SORCS2: variants seen among roughly 807,000 people sequenced by gnomAD.
SORCS2 encodes the protein sortilin related VPS10 domain containing receptor 2, also known as VPS10 domain-containing receptor SorCS2.
SORCS2 carries 100 observed loss-of-function variants against 141.6 expected under a neutral mutation model. The observed-to-expected ratio is 0.71, with a 90% CI of 0.60 to 0.83. SORCS2 has a LOEUF of 0.83. Among genes scored for constraint, SORCS2 ranks in the 40% least tolerant of loss-of-function variants. The pLI is 0.00. For missense variants in SORCS2, 1,646 were observed against 1,560.2 expected, an observed-to-expected ratio of 1.05 and a Z score of -0.93; for synonymous variants, 789 against 676.9, an observed-to-expected ratio of 1.17 and a Z score of -2.57.
At chr4:7,649,204 C>A (rs1205145713) in intron 4 of SORCS2, among the ~76,000 whole-genome samples, 1 of 152,156 alleles carries the variant, frequency 6.6e-6, no homozygotes, top group East Asian at 1.9e-4. Context: ...GAAGGGCATT[C>A]CAGGCAGGGG....
At chr4:7,316,993 G>A (rs1326801984) in intron 1 of SORCS2, among the ~76,000 whole-genome samples, 1 of 152,114 alleles carries the variant, frequency 6.6e-6, no homozygotes, top group East Asian at 1.9e-4. Flanking sequence ...GAATGCAAGC[G>A]CCCGGGGTCA....
chr4:7,448,166 C>G (rs928539213), intron 2 of SORCS2, among the ~76,000 whole-genome samples: 1 of 152,164 alleles, frequency 6.6e-6, no homozygotes, highest in Non-Finnish European at 1.5e-5. Context: ...GTGTTTCGTG[C>G]CCCCCACTGT....
At chr4:7,676,803 GTCTCTCTC>G (rs1182959755) in intron 9 of SORCS2, among the ~76,000 whole-genome samples, 1 of 37,230 alleles carries the variant, frequency 2.7e-5, no homozygotes. Flanking sequence ...CTGCCTTTCT[GTCTCTCTC>G]TCTCTCTCTC....
In SORCS2 at chr4:7,726,886, G is replaced by C. The variant is rs1727257161; in HGVS notation, c.2852G>C (p.Arg951Thr). Reference protein sequence around the residue: ...ACGNSVLQDSRVLRVLDQFQV... With the variant: ...ACGNSVLQDSTVLRVLDQFQV... ...GGGAACTCGGTGCTGCAGGACTCCA[G>C]GGTCCTCCGTGTGCTGGGTAAGTAC... is the stretch of plus-strand genomic sequence containing the variant. The change falls in exon 21 of 27, where the codon AGG becomes ACG. Residue 951 changes from arginine (R) to threonine (T), a missense_variant. Coordinates refer to ENST00000507866, the MANE Select transcript of SORCS2 (RefSeq NM_020777.3). The C allele has an allele frequency of 6.2e-7, 1 of 1,613,526 alleles. No homozygotes were observed. The highest frequency in any genetic ancestry group is 1.7e-5 in the Admixed American group (1 of 59,998).
intron 4 of SORCS2, among the ~76,000 whole-genome samples, chr4:7,649,322 C>A (rs908922939): frequency 5.3e-5 from 7 of 132,388 alleles, no homozygotes; most frequent in Non-Finnish European, 9.7e-5. Context: ...AGGGAGTGAG[C>A]AGGATGGCAG....
At chr4:7,621,290 C>G (rs1033267669) in intron 3 of SORCS2, among the ~76,000 whole-genome samples, 1 of 152,196 alleles carries the variant, frequency 6.6e-6, no homozygotes, top group Non-Finnish European at 1.5e-5. Flanking sequence ...ACACCCCTCC[C>G]TGCATCTACA....
chr4:7,469,552 G>C (rs534853303), intron 2 of SORCS2, among the ~76,000 whole-genome samples: 1 of 152,320 alleles, frequency 6.6e-6, no homozygotes, highest in Admixed American at 6.5e-5. Flanking sequence ...CTCTCAAAAT[G>C]CCTGCCTGAG....
chr4:7,260,871 C>A (rs1270761277), intron 1 of SORCS2, among the ~76,000 whole-genome samples: 5 of 152,228 alleles, frequency 3.3e-5, no homozygotes. Context: ...ACAACCTCCC[C>A]CGAGCAGGGT....
chr4:7,697,855 G>A (rs1218471786), intron 12 of SORCS2, among the ~76,000 whole-genome samples: 5 of 148,592 alleles, frequency 3.4e-5, no homozygotes, highest in African/African-American at 5.0e-5. Flanking sequence ...AGTGAGGAGC[G>A]GAGAGGAAGT....
At chr4:7,468,053 C>A (rs1729729801) in intron 2 of SORCS2, among the ~76,000 whole-genome samples, 1 of 152,202 alleles carries the variant, frequency 6.6e-6, no homozygotes, top group Non-Finnish European at 1.5e-5. Context: ...GCGGGTTCTC[C>A]CTCAGTGCCC....
In SORCS2 at chr4:7,709,943, G is replaced by A. The variant is rs370867043; in HGVS notation, c.1869-2790G>A. On this transcript the variant is annotated intron_variant, in intron 14 of 26. Coordinates refer to ENST00000507866, the MANE Select transcript of SORCS2 (RefSeq NM_020777.3). ...TCGCAGCGTGGCCCATTTTTTCCTC[G>A]TTACCTGCAAAGTAATATCTAGACC... 3.1e-4 allele frequency among the ~76,000 whole-genome samples: 47 copies of A among 152,112 alleles called. 1 individual carries two copies. The East Asian group carries it at 8.3e-3, about 27-fold the overall frequency.
At chr4:7,621,332 G>T (rs1719158949) in intron 3 of SORCS2, among the ~76,000 whole-genome samples, 1 of 152,112 alleles carries the variant, frequency 6.6e-6, no homozygotes, top group Non-Finnish European at 1.5e-5. Context: ...GTCTATGTGT[G>T]AGTGTTTATG....
intron 3 of SORCS2, among the ~76,000 whole-genome samples, chr4:7,619,638 C>T (rs16840705): frequency 0.12 from 18,308 of 152,112 alleles, 1,204 homozygotes; most frequent in Middle Eastern, 0.17. Context: ...GCCAGTGTCC[C>T]GACAGAGGTT....
intron 3 of SORCS2, among the ~76,000 whole-genome samples, chr4:7,543,320 A>AATTC (rs1386224447): frequency 5.9e-5 from 9 of 152,010 alleles, no homozygotes; most frequent in African/African-American, 1.7e-4. Context: ...TCAGTCCACT[A>AATTC]ATTCATTCAT....
intron 1 of SORCS2, among the ~76,000 whole-genome samples, chr4:7,385,957 T>G (rs1723268592): frequency 6.6e-6 from 1 of 152,160 alleles, no homozygotes; most frequent in Non-Finnish European, 1.5e-5. Flanking sequence ...GGCATGAAAA[T>G]GAGCATCTTC....
intron 1 of SORCS2, among the ~76,000 whole-genome samples, chr4:7,216,800 G>A (rs975428705): frequency 2.6e-5 from 4 of 152,146 alleles, no homozygotes; most frequent in African/African-American, 7.2e-5. Flanking sequence ...ACAGGTTCTG[G>A]GATTTGGATG....
chr4:7,447,231 G>C (rs905459906), intron 2 of SORCS2, among the ~76,000 whole-genome samples: 4 of 152,288 alleles, frequency 2.6e-5, no homozygotes, highest in Admixed American at 2.6e-4. Context: ...GGGTTGCTGA[G>C]GGGAAGGGTG....
At chr4:7,433,721 A>C in intron 2 of SORCS2, 1 of 1,612,888 alleles carries the variant, frequency 6.2e-7, no homozygotes, top group East Asian at 2.2e-5. Flanking sequence ...TCCGCGTCCC[A>C]CTCTGGGGAC....
chr4:7,712,606 G>T, intron 14 of SORCS2, 127 bp from the exon 15 acceptor site: 1 of 1,362,262 alleles, frequency 7.3e-7, no homozygotes. Context: ...CTCCAGCAAG[G>T]GCAGGAGAAG....
Sources: gnomAD v4.1 joint callset for allele counts (sites outside exome capture counted in the v4.1 genomes callset) on GRCh38, gnomAD v4.1.1 for gene constraint, MANE v1.5 for transcripts, NCBI Gene and HGNC (gene_info 2026-07-23, HGNC 2026-07-21) for gene names.